Variants in SDHAF3 observed in about 807,000 individuals in gnomAD.
SDHAF3 encodes the protein succinate dehydrogenase complex assembly factor 3, also known as succinate dehydrogenase assembly factor 3, mitochondrial.
SDHAF3 carries 18 observed loss-of-function variants against 11.5 expected under a neutral mutation model. The observed-to-expected ratio is 1.56, with a 90% CI of 1.08 to 2.32. SDHAF3 has a LOEUF of 2.32. SDHAF3 is among the 30% of genes most tolerant of loss of function. SDHAF3 has a pLI of 0.00. For missense variants in SDHAF3, 200 were observed against 154.4 expected (o/e 1.30, Z -1.57); for synonymous variants, 72 against 59.3 (o/e 1.21, Z -0.99).
intron 1 of SDHAF3, among the ~76,000 whole-genome samples, chr7:97,134,264 G>A (rs1791713816): frequency 6.6e-6 from 1 of 152,128 alleles, no homozygotes; most frequent in South Asian, 2.1e-4. Flanking sequence ...CATGTTTATT[G>A]CCTCACACTT....
intron 1 of SDHAF3, among the ~76,000 whole-genome samples, chr7:97,175,157 G>A (rs767214793): frequency 6.6e-6 from 1 of 152,096 alleles, no homozygotes; most frequent in Admixed American, 6.5e-5. Context: ...ATCTAATATA[G>A]TTCATTTCTA....
At chr7:97,137,777 GTCTC>G (rs1562822441) in intron 1 of SDHAF3, among the ~76,000 whole-genome samples, 1 of 151,190 alleles carries the variant, frequency 6.6e-6, no homozygotes, top group Non-Finnish European at 1.5e-5. Flanking sequence ...GAGGGAAAGC[GTCTC>G]TCTTTCTTAG....
chr7:97,170,038 T>C (rs2115736950), intron 1 of SDHAF3, among the ~76,000 whole-genome samples: 1 of 152,232 alleles, frequency 6.6e-6, no homozygotes, highest in African/African-American at 2.4e-5. Context: ...GCTACTTTGC[T>C]AGAACCCATC....
At chr7:97,141,352 G>A (rs1025731911) in intron 1 of SDHAF3, among the ~76,000 whole-genome samples, 1 of 151,878 alleles carries the variant, frequency 6.6e-6, no homozygotes, top group Non-Finnish European at 1.5e-5. Flanking sequence ...CACCCTATTC[G>A]TACACTCCCT....
chr7:97,134,705 C>T (rs1791722020), intron 1 of SDHAF3, among the ~76,000 whole-genome samples: 1 of 152,186 alleles, frequency 6.6e-6, no homozygotes, highest in Non-Finnish European at 1.5e-5. Flanking sequence ...CCTTGGCCTC[C>T]CAAAGTGCTG....
At chr7:97,133,230 G>A (rs539162816) in intron 1 of SDHAF3, among the ~76,000 whole-genome samples, 1 of 152,210 alleles carries the variant, frequency 6.6e-6, no homozygotes, top group African/African-American at 2.4e-5. Flanking sequence ...CACAGTAAGT[G>A]GAGTAAATAA....
At chr7:97,156,889 G>T (rs1054835846) in intron 1 of SDHAF3, among the ~76,000 whole-genome samples, 4 of 152,044 alleles carry the variant, frequency 2.6e-5, no homozygotes, top group African/African-American at 9.7e-5. Flanking sequence ...TGTTACACAG[G>T]TATACATGTG....
At chr7:97,172,845 A>G (rs549377661) in intron 1 of SDHAF3, among the ~76,000 whole-genome samples, 9 of 152,354 alleles carry the variant, frequency 5.9e-5, no homozygotes, top group Middle Eastern at 3.4e-3. Context: ...TTTAAGAAAT[A>G]TTTCTAGAAA....
At chr7:97,141,278 G>T (rs150309373) in intron 1 of SDHAF3, among the ~76,000 whole-genome samples, 29 of 152,042 alleles carry the variant, frequency 1.9e-4, no homozygotes, top group African/African-American at 7.0e-4. Context: ...CTGTGATCTC[G>T]CCCTGCCTCC....
intron 1 of SDHAF3, among the ~76,000 whole-genome samples, chr7:97,141,421 G>C (rs1415913243): frequency 1.3e-5 from 2 of 152,092 alleles, no homozygotes; most frequent in East Asian, 1.9e-4. Context: ...GGGCATCACG[G>C]AACCTGCCAA....
intron 1 of SDHAF3, among the ~76,000 whole-genome samples, chr7:97,138,753 G>T (rs1425020126): frequency 6.6e-6 from 1 of 152,234 alleles, no homozygotes. Context: ...CGTAGTAAGT[G>T]TTCCACAAAT....
chr7:97,120,109 T>C (rs1486297780), intron 1 of SDHAF3, among the ~76,000 whole-genome samples: 1 of 152,198 alleles, frequency 6.6e-6, no homozygotes, highest in African/African-American at 2.4e-5. Flanking sequence ...TGATGGATTT[T>C]GCCATTGTGT....
chr7:97,125,730 C>T (rs1791563953), intron 1 of SDHAF3, among the ~76,000 whole-genome samples: 1 of 152,168 alleles, frequency 6.6e-6, no homozygotes, highest in South Asian at 2.1e-4. Flanking sequence ...TTAGCAGTTC[C>T]TGTAACCTTT....
rs79709721 is a variant in SDHAF3, at chr7:97,135,064, C to CTT, written c.174+17178_174+17179dup. On this transcript the variant is annotated intron_variant, in intron 1 of 1. Coordinates refer to ENST00000432641, the MANE Select transcript of SDHAF3 (RefSeq NM_020186.3). The stretch of plus-strand genomic sequence containing the variant: ...CTGTCATCCTGTTCATCCTACTCCT[C>CTT]TTTTTTTTTTTTCCCCCCAAGGAAC... 2.2e-3 allele frequency: 319 copies of CTT among 143,076 alleles called. 2 individuals carry two copies. The highest frequency in any genetic ancestry group is 0.01 in the East Asian group (51 of 4,992). The allele number at this position is 143,076 out of a possible 1,614,324, so 8.9% of individuals were successfully genotyped here.
intron 1 of SDHAF3, among the ~76,000 whole-genome samples, chr7:97,120,147 A>G (rs1042095206): frequency 6.6e-6 from 1 of 152,206 alleles, no homozygotes; most frequent in Non-Finnish European, 1.5e-5. Flanking sequence ...TGTTTCCCTC[A>G]TTCCTTCTGA....
intron 1 of SDHAF3, among the ~76,000 whole-genome samples, chr7:97,118,331 T>G (rs1046260860): frequency 5.3e-5 from 8 of 152,198 alleles, no homozygotes; most frequent in Non-Finnish European, 8.8e-5. Flanking sequence ...GCGCTTTTGG[T>G]TGGGTTTAAA....
chr7:97,158,399 C>G (rs1789340242), intron 1 of SDHAF3, among the ~76,000 whole-genome samples: 1 of 152,162 alleles, frequency 6.6e-6, no homozygotes, highest in Non-Finnish European at 1.5e-5. Context: ...ACAATCTCGG[C>G]TCATTGCAAC....
At chr7:97,151,630 C>T (rs1471992877) in intron 1 of SDHAF3, among the ~76,000 whole-genome samples, 1 of 151,904 alleles carries the variant, frequency 6.6e-6, no homozygotes, top group Non-Finnish European at 1.5e-5. Context: ...TCCCGAGTAG[C>T]TGGGACTACA....
chr7:97,180,951 C>A, intron 1 of SDHAF3, 61 bp from the exon 2 acceptor site: 1 of 1,388,816 alleles, frequency 7.2e-7, no homozygotes, highest in Non-Finnish European at 9.7e-7. Context: ...GAATTCAAGT[C>A]CTCTAATGTT....
Sources: allele counts gnomAD v4.1 joint callset (sites outside exome capture counted in the v4.1 genomes callset), GRCh38; gene constraint gnomAD v4.1.1; transcripts MANE v1.5; gene names NCBI Gene and HGNC (gene_info 2026-07-23, HGNC 2026-07-21).